Variants in SH3BGRL2 observed in about 807,000 individuals in gnomAD.
SH3BGRL2 encodes the protein SH3 domain-binding glutamic acid-rich-like protein 2.
In SH3BGRL2, 21 loss-of-function variants were observed where a neutral mutation model predicts 14.8. The observed-to-expected ratio is 1.42, with a 90% CI of 1.01 to 2.05. SH3BGRL2 has a LOEUF of 2.05. Among genes scored for constraint, SH3BGRL2 ranks in the 30% most tolerant of loss-of-function variants. The pLI, the probability that SH3BGRL2 is intolerant of heterozygous loss-of-function variation, is 0.00. For missense variants in SH3BGRL2, 147 were observed against 130.8 expected, an observed-to-expected ratio of 1.12 and a Z score of -0.61; for synonymous variants, 50 against 47.8, an observed-to-expected ratio of 1.05 and a Z score of -0.19.
At chr6:79,574,049 T>TC in the SH3BGRL2 span, 9 of 152,210 alleles carry the variant, frequency 5.9e-5, no homozygotes, top group Non-Finnish European at 1.2e-4. Context: ...CCCCTTATAG[T>TC]TCTTAGCTAG....
Position 79,702,835 on chromosome 6 carries a change from GT to G in SH3BGRL2, c.*3327del, listed in dbSNP as rs1226704410. 4 of 152,286 alleles carry G rather than the reference GT, an allele frequency of 2.6e-5. No individual in the cohort carries two copies. The highest frequency in any genetic ancestry group is 4.8e-5 in the African/African-American group (2 of 41,444). 9.4% of individuals were successfully genotyped at this position (152,286 alleles called of 1,614,324 possible). A position where few individuals can be genotyped will look rare whatever the true frequency, so the allele number is the denominator to read the frequency against. On this transcript the variant is annotated 3_prime_UTR_variant, in exon 4 of 4. Transcript: ENST00000369838. Reference sequence around the variant, plus strand: ...CTGAGTACACTGAAGCCACAGGCTGGTGGCCATGTTCTCTGAATTGGGTGCA... The same window carrying G: ...CTGAGTACACTGAAGCCACAGGCTGGGGCCATGTTCTCTGAATTGGGTGCA...
At chr6:79,658,405 T>A (rs1582723097) in intron 1 of SH3BGRL2, among the ~76,000 whole-genome samples, 2 of 152,194 alleles carry the variant, frequency 1.3e-5, no homozygotes, top group African/African-American at 4.8e-5. Context: ...TGGTTTTCTG[T>A]CCTTGTGATA....
chr6:79,541,069 A>C, the SH3BGRL2 span, among the ~76,000 whole-genome samples: 1 of 152,070 alleles, frequency 6.6e-6, no homozygotes, highest in Non-Finnish European at 1.5e-5. Flanking sequence ...TCTGGCCAAC[A>C]TGGTGAGACC....
chr6:79,669,060 A>G (rs1769719004), intron 1 of SH3BGRL2, among the ~76,000 whole-genome samples: 1 of 152,166 alleles, frequency 6.6e-6, no homozygotes, highest in South Asian at 2.1e-4. Flanking sequence ...TTTCTCTTGA[A>G]CATCACCTGG....
At chr6:79,560,445 A>G in the SH3BGRL2 span, among the ~76,000 whole-genome samples, 1 of 152,108 alleles carries the variant, frequency 6.6e-6, no homozygotes, top group Non-Finnish European at 1.5e-5. Flanking sequence ...GGAAGCTGAA[A>G]CAGGAGTATC....
At chr6:79,658,721 G>A (rs1164621254) in intron 1 of SH3BGRL2, among the ~76,000 whole-genome samples, 1 of 152,214 alleles carries the variant, frequency 6.6e-6, no homozygotes, top group East Asian at 1.9e-4. Context: ...TCCCCACACT[G>A]TCTTCTACAA....
At chr6:79,599,265 C>T in the SH3BGRL2 span, among the ~76,000 whole-genome samples, 2 of 152,008 alleles carry the variant, frequency 1.3e-5, no homozygotes, top group Admixed American at 1.3e-4. Context: ...AAATTTGGAT[C>T]GCCACTATGG....
At chr6:79,627,649 A>G (rs543441087), upstream of SH3BGRL2, among the ~76,000 whole-genome samples, 1 of 152,290 alleles carries the variant, frequency 6.6e-6, no homozygotes, top group South Asian at 2.1e-4. Flanking sequence ...GGTTTCTGTG[A>G]CAGCATACTC....
chr6:79,670,698 T>C (rs1769755121), intron 1 of SH3BGRL2, among the ~76,000 whole-genome samples: 1 of 152,138 alleles, frequency 6.6e-6, no homozygotes, highest in Non-Finnish European at 1.5e-5. Flanking sequence ...AGGTGTAGAA[T>C]AGGTTGTGCA....
the SH3BGRL2 span, among the ~76,000 whole-genome samples, chr6:79,538,554 T>C: frequency 6.6e-6 from 1 of 152,240 alleles, no homozygotes; most frequent in African/African-American, 2.4e-5. Context: ...TGCACGGAAT[T>C]ACTTTTCATC....
At chr6:79,696,103 C>G (rs923349404) in intron 2 of SH3BGRL2, among the ~76,000 whole-genome samples, 6 of 152,016 alleles carry the variant, frequency 3.9e-5, no homozygotes, top group African/African-American at 1.4e-4. Context: ...CCCTAGATAA[C>G]AAAATATCAA....
chr6:79,647,533 C>T (rs1769168456), intron 1 of SH3BGRL2, among the ~76,000 whole-genome samples: 1 of 152,020 alleles, frequency 6.6e-6, no homozygotes, highest in Admixed American at 6.6e-5. Flanking sequence ...TGGCATGATC[C>T]TTCCCCCCAA....
the SH3BGRL2 span, among the ~76,000 whole-genome samples, chr6:79,548,095 T>G: frequency 1.3e-5 from 2 of 152,086 alleles, no homozygotes; most frequent in African/African-American, 4.8e-5. Context: ...CCTCAAACTC[T>G]TAAGCTCAAG....
chr6:79,644,070 C>T (rs76965855), intron 1 of SH3BGRL2, among the ~76,000 whole-genome samples: 5,520 of 152,178 alleles, frequency 0.036, 324 homozygotes, highest in African/African-American at 0.12. Flanking sequence ...ATATTGGGGC[C>T]TTTTGGGCAA....
At chr6:79,572,611 G>A in the SH3BGRL2 span, among the ~76,000 whole-genome samples, 7 of 152,120 alleles carry the variant, frequency 4.6e-5, no homozygotes, top group East Asian at 9.7e-4. Flanking sequence ...GAGTACAGGC[G>A]CCCGCCACCA....
rs1322290673 is a variant in SH3BGRL2 at position 79,650,060 on chromosome 6, G to A, written c.45+18554G>A. ...TTGTTAATTTCTTCACTTTTTCTTT[G>A]GAGTCAAGATGGAATGGAGAATTAT... On this transcript the variant is annotated intron_variant, in intron 1 of 3. Coordinates refer to ENST00000369838, the MANE Select transcript of SH3BGRL2 (RefSeq NM_031469.4). 2.0e-5 allele frequency among the ~76,000 whole-genome samples: 3 copies of A among 149,310 alleles called. No individual in the cohort carries two copies. In the East Asian group the frequency reaches 5.9e-4, roughly 29 times the overall value.
intron 1 of SH3BGRL2, among the ~76,000 whole-genome samples, chr6:79,661,175 T>A (rs1212731588): frequency 1.3e-5 from 2 of 152,202 alleles, no homozygotes; most frequent in Admixed American, 6.5e-5. Context: ...TCTGCTAGCT[T>A]TTGAATTTGT....
intron 2 of SH3BGRL2, 75 bp from the exon 3 acceptor site, chr6:79,696,410 A>C: frequency 8.9e-7 from 1 of 1,120,374 alleles, no homozygotes; most frequent in Non-Finnish European, 1.3e-6. Context: ...TCCATAAAGA[A>C]TTTGTTCAAA....
chr6:79,544,302 A>G, the SH3BGRL2 span, among the ~76,000 whole-genome samples: 1 of 151,672 alleles, frequency 6.6e-6, no homozygotes, highest in Non-Finnish European at 1.5e-5. Context: ...CTCAGCTCCA[A>G]CCCTTCATCA....
Sources: gnomAD v4.1 joint callset for allele counts (sites outside exome capture counted in the v4.1 genomes callset) on GRCh38, gnomAD v4.1.1 for gene constraint, MANE v1.5 for transcripts, NCBI Gene and HGNC (gene_info 2026-07-23, HGNC 2026-07-21) for gene names.